The following P3H1 variants were observed in gnomAD, a reference collection of about 807,000 sequenced individuals.
P3H1 encodes the protein growth suppressor 1.
In P3H1, 69 loss-of-function variants were observed where a neutral mutation model predicts 84.0. The observed-to-expected ratio is 0.82, with a 90% CI of 0.68 to 1.00. P3H1 has a LOEUF of 1.00. Among genes scored for constraint, P3H1 ranks in the 50% least tolerant of loss-of-function variants. P3H1 has a pLI of 0.00. For missense variants in P3H1, 878 were observed against 962.8 expected, an observed-to-expected ratio of 0.91 and a Z score of 1.17; for synonymous variants, 366 against 388.8, an observed-to-expected ratio of 0.94 and a Z score of 0.69.
At chr1:42,758,787 C>T (rs747241570) in intron 4 of P3H1, 65 bp downstream of exon 4, 4 of 1,590,668 alleles carry the variant, frequency 2.5e-6, no homozygotes, top group Non-Finnish European at 3.4e-6. Context: ...GCTGTAATCC[C>T]TGCCCACCTT....
chr1:42,754,759 G>A lies in P3H1; in HGVS notation c.1345+110C>T. 4 of 1,451,228 alleles carry A rather than the reference G, an allele frequency of 2.8e-6. No individual in the cohort carries two copies. In the Middle Eastern group the frequency reaches 5.9e-4, roughly 216 times the overall value. The allele number at this position is 1,451,228 out of a possible 1,614,324, so 89.9% of individuals were successfully genotyped here. On this transcript the variant is annotated intron_variant, in intron 8 of 14. Coordinates refer to ENST00000296388, the MANE Select transcript of P3H1 (RefSeq NM_022356.4). The surrounding 1 kb of genome is among the most constrained non-coding windows in gnomAD (Gnocchi z 4.0). Reference sequence around the variant, plus strand: ...TGAACTTGCACCCTAAGGGTGGCTGGCTCATGGTGAGCTCTGCAATGCTGG... The same window carrying A: ...TGAACTTGCACCCTAAGGGTGGCTGACTCATGGTGAGCTCTGCAATGCTGG...
chr1:42,759,403 A>T lies in P3H1; in HGVS notation c.619-13T>A. 3 of 1,613,510 alleles carry T rather than the reference A, an allele frequency of 1.9e-6. No individual in the cohort carries two copies. The highest frequency in any genetic ancestry group is 2.5e-6 in the Non-Finnish European group (3 of 1,179,578). ...GTCGAAATTCTTGCTACTGGGAAGA[A>T]GGAGCACTCAAATGCAGGCCACAGA... On this transcript the variant is annotated splice_polypyrimidine_tract_variant and intron_variant, in intron 2 of 14. Coordinates refer to ENST00000296388, the MANE Select transcript of P3H1 (RefSeq NM_022356.4).
At chr1:42,758,479 T>C (rs1172503628) in intron 4 of P3H1, among the ~76,000 whole-genome samples, 5 of 152,218 alleles carry the variant, frequency 3.3e-5, no homozygotes, top group African/African-American at 9.6e-5. Context: ...TGGGTATTAA[T>C]TGGCAGCCCC....
chr1:42,758,726 G>A, intron 4 of P3H1, 126 bp downstream of exon 4: 1 of 1,149,382 alleles, frequency 8.7e-7, no homozygotes, highest in East Asian at 2.4e-5. Flanking sequence ...CACTTGGCAT[G>A]GTGCCTCCCA....
At position 42,755,586 on chromosome 1, in the gene P3H1, A is replaced by G; in HGVS notation, c.1132T>C (p.Phe378Leu). ...GGAATTCCAAAAACATCATAAGCGA[A>G]GAAAAGCAGTTCTTTTTCCAGTAGG... ...RSLLEKELLFFAYDVFGIPFV... is the reference protein window; with the variant it reads ...RSLLEKELLFLAYDVFGIPFV... The change falls in exon 6 of 15, where the codon TTC (phenylalanine) becomes CTC (leucine). Residue 378 changes from phenylalanine (F) to leucine (L), a missense_variant. By Grantham distance (22) the Phe-to-Leu change is conservative. Coordinates refer to ENST00000296388, the MANE Select transcript of P3H1 (RefSeq NM_022356.4). 3 of 1,614,204 alleles carry G rather than the reference A, an allele frequency of 1.9e-6. No individual in the cohort carries two copies. The highest frequency in any genetic ancestry group is 2.5e-6 in the Non-Finnish European group (3 of 1,180,026).
intron 1 of P3H1, among the ~76,000 whole-genome samples, chr1:42,763,388 G>A (rs12744838): frequency 0.059 from 9,022 of 151,782 alleles, 376 homozygotes; most frequent in South Asian, 0.093. Context: ...ATCTGAGGGG[G>A]TGGTCGGGGG....
intron 4 of P3H1, among the ~76,000 whole-genome samples, chr1:42,758,190 G>A (rs181071659): frequency 1.3e-5 from 2 of 152,344 alleles, no homozygotes; most frequent in East Asian, 3.9e-4. Flanking sequence ...AGAATTCTCT[G>A]CATGCCCACA....
chr1:42,747,834 C>T, intron 12 of P3H1, 36 bp from the exon 13 acceptor site: 6 of 1,593,750 alleles, frequency 3.8e-6, no homozygotes, highest in Non-Finnish European at 4.3e-6. Flanking sequence ...ATGGCCCTTC[C>T]CTGCCTCCCT....
rs778680764 is a variant in P3H1, at chr1:42,755,646, A to G, written c.1081-9T>C. On this transcript the variant is annotated splice_polypyrimidine_tract_variant and intron_variant, in intron 5 of 14. Transcript: ENST00000296388. Reference sequence around the variant, plus strand: ...CGGTACTCCTTGGCACTCTGAGGGTAAAAAAGCAAACAAATCCCCCAGAAC... The same window carrying G: ...CGGTACTCCTTGGCACTCTGAGGGTGAAAAAGCAAACAAATCCCCCAGAAC... 3.7e-6 allele frequency: 6 copies of G among 1,608,158 alleles called. No homozygotes were observed. The African/African-American group carries it at 8.0e-5, about 22-fold the overall frequency.
chr1:42,748,946 T>C (rs1226606013), intron 11 of P3H1, among the ~76,000 whole-genome samples: 2 of 152,212 alleles, frequency 1.3e-5, no homozygotes, highest in East Asian at 3.8e-4. Flanking sequence ...CATTCCCACT[T>C]GTCCAGCCAG....
intron 10 of P3H1, among the ~76,000 whole-genome samples, chr1:42,750,852 A>G (rs1652025511): frequency 2.3e-5 from 3 of 128,448 alleles, no homozygotes; most frequent in African/African-American, 3.0e-5. Flanking sequence ...CAGCCGCCCT[A>G]TCCAGGAGGT....
At chr1:42,755,240 A>G in intron 6 of P3H1, 23 bp from the exon 7 acceptor site, 1 of 1,609,812 alleles carries the variant, frequency 6.2e-7, no homozygotes, top group South Asian at 1.1e-5. Flanking sequence ...GGAAGAAATG[A>G]AAAAGGTAAG....
intron 1 of P3H1, among the ~76,000 whole-genome samples, chr1:42,763,228 T>A (rs961765129): frequency 3.9e-5 from 6 of 152,296 alleles, no homozygotes; most frequent in Non-Finnish European, 7.3e-5. Flanking sequence ...AAAAAAATTT[T>A]TTTTTGCATA....
chr1:42,759,307 T>C lies in P3H1; in HGVS notation c.702A>G (p.Glu234=). The change falls in exon 3 of 15, where the codon GAA becomes GAG. Residue 234 remains glutamate (E), a synonymous_variant. Transcript: ENST00000296388. ...GGCACTCCTCATAGGCCACAAAGTATTCTTGCAGCGCCGCCTCTAGGTGGG... is the reference window on the plus strand; with the variant it reads ...GGCACTCCTCATAGGCCACAAAGTACTCTTGCAGCGCCGCCTCTAGGTGGG... The part of the protein sequence containing the change: ...AVPHLEAALQ[E]YFVAYEECRA... 6.2e-7 allele frequency: 1 copy of C among 1,614,186 alleles called. No homozygotes were observed.
chr1:42,747,713 G>C lies in P3H1; in HGVS notation c.1914+10C>G, dbSNP rs1187415801. 2 of 1,613,790 alleles carry C rather than the reference G, an allele frequency of 1.2e-6. No homozygotes were observed. Among genetic ancestry groups the C allele is most frequent in the Non-Finnish European group, 1.7e-6 (2 of 1,179,638 alleles). ...TTATCTCCCAGGGACAAGGACAAGG[G>C]AGCACTCACCGTCACGGTCTTGGCA... On this transcript the variant is annotated intron_variant, in intron 13 of 14. Coordinates refer to ENST00000296388, the MANE Select transcript of P3H1 (RefSeq NM_022356.4).
In P3H1 at chr1:42,754,725, G is replaced by A. The variant is rs1202089246; in HGVS notation, c.1345+144C>T. 3.1e-6 allele frequency: 3 copies of A among 979,268 alleles called. No individual in the cohort carries two copies. The highest frequency in any genetic ancestry group is 5.7e-4 in the Middle Eastern group (2 of 3,508). 60.7% of individuals were successfully genotyped at this position (979,268 alleles called of 1,614,324 possible). A position where few individuals can be genotyped will look rare whatever the true frequency, so the allele number is the denominator to read the frequency against. ...AAAGTCCCGCTGGTGAGTTAGGAAGGATGTCCACTGAACTTGCACCCTAAG... is the reference window on the plus strand; with the variant it reads ...AAAGTCCCGCTGGTGAGTTAGGAAGAATGTCCACTGAACTTGCACCCTAAG... On this transcript the variant is annotated intron_variant, in intron 8 of 14. Transcript: ENST00000296388. The surrounding 1 kb of genome is among the most constrained non-coding windows in gnomAD (Gnocchi z 4.0).
chr1:42,758,690 T>C (rs1478506703), intron 4 of P3H1, among the ~76,000 whole-genome samples, 162 bp downstream of exon 4: 1 of 152,234 alleles, frequency 6.6e-6, no homozygotes, highest in Admixed American at 6.5e-5. Flanking sequence ...CCTAGGCCAG[T>C]TGTTTATAAC....
intron 5 of P3H1, 63 bp downstream of exon 5, chr1:42,757,720 C>T (rs1006635241): frequency 6.2e-7 from 1 of 1,613,476 alleles, no homozygotes; most frequent in African/African-American, 1.3e-5. Context: ...TCTGCTACCC[C>T]ACTCTTCCGC....
At chr1:42,764,598 T>C (rs991057676) in intron 1 of P3H1, among the ~76,000 whole-genome samples, 1 of 152,180 alleles carries the variant, frequency 6.6e-6, no homozygotes, top group African/African-American at 2.4e-5. Flanking sequence ...CTCCTAGCAT[T>C]GTTGAGAGTT....
Sources: gnomAD v4.1 joint callset for allele counts (sites outside exome capture counted in the v4.1 genomes callset) on GRCh38, gnomAD v4.1.1 for gene constraint, Gnocchi (gnomAD v3.1) non-coding constraint, MANE v1.5 for transcripts, NCBI Gene and HGNC (gene_info 2026-07-23, HGNC 2026-07-21) for gene names.